ACTR3C: variants seen among roughly 807,000 people sequenced by gnomAD.
ACTR3C encodes actin-related protein 3C.
In ACTR3C, 18 loss-of-function variants were observed where a neutral mutation model predicts 26.3. The ratio of observed to expected loss-of-function variants is 0.68; its 90% confidence interval spans 0.47 to 1.01. The LOEUF (loss-of-function observed/expected upper bound fraction) is 1.01. Among genes scored for constraint, ACTR3C ranks in the 50% least tolerant of loss-of-function variants. The probability of loss-of-function intolerance (pLI) is 0.00; values close to 1 mark genes in which losing one functional copy is unlikely to be tolerated. For missense variants in ACTR3C, 184 were observed against 250.7 expected (o/e 0.73, Z 1.80); for synonymous variants, 55 against 94.5 (o/e 0.58, Z 2.42).
chr7:149,920,743 G>A, the ACTR3C span, among the ~76,000 whole-genome samples: 1 of 147,800 alleles, frequency 6.8e-6, no homozygotes, highest in Admixed American at 6.8e-5. Context: ...AATATGTGTA[G>A]TATTCTTTTA....
At chr7:150,260,800 T>C (rs1833581464) in intron 6 of ACTR3C, among the ~76,000 whole-genome samples, 1 of 152,210 alleles carries the variant, frequency 6.6e-6, no homozygotes, top group Admixed American at 6.5e-5. Context: ...CTTTTTTTGC[T>C]AGAAGCAAAA....
the ACTR3C span, among the ~76,000 whole-genome samples, chr7:150,196,037 T>C: frequency 1.3e-5 from 2 of 152,260 alleles, no homozygotes; most frequent in African/African-American, 4.8e-5. Context: ...TCTTCAGCAA[T>C]TGAACATGGT....
the ACTR3C span, among the ~76,000 whole-genome samples, chr7:149,904,717 C>T: frequency 0.052 from 7,799 of 149,822 alleles, 260 homozygotes; most frequent in African/African-American, 0.089. Flanking sequence ...TAATCAAGGG[C>T]GGGCACAGTG....
the ACTR3C span, among the ~76,000 whole-genome samples, chr7:149,929,869 C>T: frequency 4.9e-4 from 74 of 152,274 alleles, no homozygotes; most frequent in South Asian, 4.1e-4. Context: ...AGTAACTGAA[C>T]AGTGAAGAAA....
chr7:150,323,310 A>C (rs1797754388), intron 1 of ACTR3C, 159 bp downstream of exon 1: 2 of 260,850 alleles, frequency 7.7e-6, no homozygotes, highest in African/African-American at 4.8e-5. Context: ...CGGAATCCAG[A>C]GCGCCCACTA....
chr7:150,311,842 AC>A (rs1023557415), intron 1 of ACTR3C, among the ~76,000 whole-genome samples: 2 of 152,100 alleles, frequency 1.3e-5, no homozygotes, highest in African/African-American at 4.8e-5. Context: ...ATTGCTTTAA[AC>A]CATGCACTCT....
the ACTR3C span, among the ~76,000 whole-genome samples, chr7:149,885,006 T>C: frequency 6.6e-6 from 1 of 152,052 alleles, no homozygotes; most frequent in African/African-American, 2.4e-5. Flanking sequence ...GATAATTCTT[T>C]GGGTTTTTTT....
rs747299529 is a variant in ACTR3C, at chr7:150,289,651, C to T, written c.154-58G>A. On this transcript the variant is annotated intron_variant, in intron 3 of 7. Transcript: ENST00000683684. ...TAGTGATTTCGTGGTGGAGAGCAGC[C>T]TGGACTCACGAGGTTTCCTGCCTCA... 1.1e-5 allele frequency: 18 copies of T among 1,574,520 alleles called. No homozygotes were observed. The South Asian group carries it at 1.9e-4, about 17-fold the overall frequency.
chr7:149,904,147 G>T, the ACTR3C span, among the ~76,000 whole-genome samples: 1 of 145,746 alleles, frequency 6.9e-6, no homozygotes, highest in African/African-American at 2.4e-5. Flanking sequence ...TCTCTAACTC[G>T]TGGCCTCAAG....
At chr7:150,005,716 C>T in the ACTR3C span, among the ~76,000 whole-genome samples, 20,369 of 151,994 alleles carry the variant, frequency 0.13, 1,610 homozygotes, top group South Asian at 0.2. Flanking sequence ...CTTCTGCTCT[C>T]TCTCTGTCCC....
At chr7:150,018,607 A>G in the ACTR3C span, among the ~76,000 whole-genome samples, 1 of 150,164 alleles carries the variant, frequency 6.7e-6, no homozygotes, top group Non-Finnish European at 1.5e-5. Flanking sequence ...ATTATTTTTC[A>G]GGAGTTGGCT....
At chr7:149,914,464 G>GT in the ACTR3C span, among the ~76,000 whole-genome samples, 4 of 151,808 alleles carry the variant, frequency 2.6e-5, no homozygotes, top group Non-Finnish European at 5.9e-5. Context: ...ATGGTGGCAC[G>GT]TGCCTGCAGT....
chr7:150,225,049 G>A, the ACTR3C span, among the ~76,000 whole-genome samples: 1 of 148,956 alleles, frequency 6.7e-6, no homozygotes, highest in South Asian at 2.2e-4. Flanking sequence ...GTGTGTGTTT[G>A]CCTGCACGAG....
chr7:150,174,198 A>C, the ACTR3C span, among the ~76,000 whole-genome samples: 1 of 139,658 alleles, frequency 7.2e-6, no homozygotes, highest in South Asian at 2.3e-4. Context: ...GACACACCTA[A>C]GACTAGGAAG....
the ACTR3C span, among the ~76,000 whole-genome samples, chr7:150,103,129 C>A: frequency 4.0e-5 from 6 of 151,796 alleles, no homozygotes; most frequent in Non-Finnish European, 7.4e-5. Flanking sequence ...ATAAAAAATC[C>A]TCTATTATAG....
At chr7:150,161,202 TTATATATATATA>T in the ACTR3C span, among the ~76,000 whole-genome samples, 8 of 103,006 alleles carry the variant, frequency 7.8e-5, 1 homozygote, top group African/African-American at 3.7e-4. Flanking sequence ...AGGAAAGTAT[TTATATATATATA>T]TATATATATA....
At chr7:150,191,906 C>T in the ACTR3C span, among the ~76,000 whole-genome samples, 1 of 152,220 alleles carries the variant, frequency 6.6e-6, no homozygotes, top group Non-Finnish European at 1.5e-5. Context: ...CCACTCTATT[C>T]CTACCATACT....
the ACTR3C span, among the ~76,000 whole-genome samples, chr7:149,913,165 G>A: frequency 5.3e-5 from 8 of 152,126 alleles, 1 homozygote; most frequent in South Asian, 1.2e-3. Context: ...TTCCCAGGAG[G>A]AGAACTCAAT....
intron 3 of ACTR3C, among the ~76,000 whole-genome samples, chr7:150,292,500 A>ATT (rs571206179): frequency 0.11 from 14,885 of 138,100 alleles, 1,279 homozygotes; most frequent in African/African-American, 0.22. Context: ...TGGCTTTTAA[A>ATT]TTTTTTTTTT....
Sources: gnomAD v4.1 joint callset for allele counts (sites outside exome capture counted in the v4.1 genomes callset) on GRCh38, gnomAD v4.1.1 for gene constraint, MANE v1.5 for transcripts, NCBI Gene and HGNC (gene_info 2026-07-23, HGNC 2026-07-21) for gene names.